The following BMPR1A variants were observed in gnomAD, a reference collection of about 807,000 sequenced individuals.
The protein encoded by BMPR1A is bone morphogenetic protein receptor type-1A.
A neutral mutation model predicts 66.0 loss-of-function variants in BMPR1A; 7 were observed. That is an observed-to-expected ratio of 0.11 (90% confidence interval 0.06 to 0.20). The LOEUF (loss-of-function observed/expected upper bound fraction) is 0.20, where lower values mean the gene tolerates loss of function less well. Among genes scored for constraint, BMPR1A ranks in the 10% least tolerant of loss-of-function variants. BMPR1A has a pLI of 1.00. For synonymous variants in BMPR1A, 200 were observed against 229.7 expected, an observed-to-expected ratio of 0.87 and a Z score of 1.17; for missense variants, 408 against 669.1, an observed-to-expected ratio of 0.61 and a Z score of 4.31.
chr10:86,772,123 T>G (rs927961859), intron 1 of BMPR1A, among the ~76,000 whole-genome samples: 3 of 137,868 alleles, frequency 2.2e-5, no homozygotes, highest in African/African-American at 8.4e-5. Flanking sequence ...TGGTCAGAGA[T>G]AGGTTTTTTT....
intron 3 of BMPR1A, among the ~76,000 whole-genome samples, chr10:86,876,395 G>A (rs1842922222): frequency 6.6e-6 from 1 of 152,184 alleles, no homozygotes; most frequent in South Asian, 2.1e-4. Flanking sequence ...TCAGTTAGTA[G>A]CTGAAAGACA....
Position 86,835,549 on chromosome 10 carries a change from CAAAAAAAAAAAAAAAAAA to C in BMPR1A, c.-267-3294_-267-3277del, listed in dbSNP as rs55804247. On this transcript the variant is annotated intron_variant, in intron 1 of 12. Coordinates refer to ENST00000372037, the MANE Select transcript of BMPR1A (RefSeq NM_004329.3). ...CTGGGTGACAAGCAAGACTCTGTATCAAAAAAAAAAAAAAAAAAAAAAAAAAAAAAAAAAAAAAAGGTG... is the reference window on the plus strand; with the variant it reads ...CTGGGTGACAAGCAAGACTCTGTATCAAAAAAAAAAAAAAAAAAAAAGGTG... Among the ~76,000 whole-genome samples the C allele has an allele frequency of 6.7e-3, 297 of 44,330 alleles. 3 individuals carry two copies. Among genetic ancestry groups the C allele is most frequent in the Middle Eastern group, 0.013 (1 of 78 alleles). 29.1% of individuals were successfully genotyped at this position (44,330 alleles called of 152,430 possible).
chr10:86,813,708 C>T (rs1021156665), intron 1 of BMPR1A, among the ~76,000 whole-genome samples: 10 of 152,140 alleles, frequency 6.6e-5, no homozygotes, highest in South Asian at 2.1e-4. Context: ...GCCATTAGAA[C>T]GCACACCCAT....
intron 1 of BMPR1A, 136 bp from the exon 2 acceptor site, chr10:86,838,729 A>C (rs1327117571): frequency 1.1e-4 from 17 of 152,140 alleles, no homozygotes. Context: ...ATTTCGTAAA[A>C]ACTGTAGAAA....
At chr10:86,757,553 A>AG (rs1847896894) in intron 1 of BMPR1A, among the ~76,000 whole-genome samples, 1 of 152,144 alleles carries the variant, frequency 6.6e-6, no homozygotes, top group African/African-American at 2.4e-5. Context: ...GGAAAAAAAA[A>AG]TGAGCTTGCG....
At chr10:86,776,529 CTGAT>C (rs951020761) in intron 1 of BMPR1A, among the ~76,000 whole-genome samples, 4 of 152,168 alleles carry the variant, frequency 2.6e-5, no homozygotes, top group African/African-American at 9.7e-5. Flanking sequence ...CTGGAGGACA[CTGAT>C]TGTTTTTTGT....
chr10:86,760,398 T>C, intron 1 of BMPR1A, among the ~76,000 whole-genome samples: 1 of 151,698 alleles, frequency 6.6e-6, no homozygotes, highest in East Asian at 1.9e-4. Context: ...GGACCACGCC[T>C]GGCTAATTTT....
intron 3 of BMPR1A, among the ~76,000 whole-genome samples, chr10:86,882,662 GAAAA>G (rs372324110): frequency 0.012 from 1,549 of 129,022 alleles, 24 homozygotes; most frequent in African/African-American, 0.04. Context: ...CTACTTTTAG[GAAAA>G]AAAAAAAAAA....
chr10:86,841,446 C>T (rs1227984611), intron 2 of BMPR1A, among the ~76,000 whole-genome samples: 2 of 152,148 alleles, frequency 1.3e-5, no homozygotes, highest in South Asian at 2.1e-4. Context: ...GTATTGGCAT[C>T]ACCTGGAAAG....
chr10:86,927,095 T>C lies in BMPR1A; in HGVS notation c.*3376T>C. ...AAAGTGACCTATAGTTTTTTAAAATTATGTTTTCCTAGAACGTGCCAAATT... is the reference window on the plus strand; with the variant it reads ...AAAGTGACCTATAGTTTTTTAAAATCATGTTTTCCTAGAACGTGCCAAATT... On this transcript the variant is annotated 3_prime_UTR_variant, in exon 13 of 13. Coordinates refer to ENST00000372037, the MANE Select transcript of BMPR1A (RefSeq NM_004329.3). 1 of 186,100 alleles carries C rather than the reference T, an allele frequency of 5.4e-6. No homozygotes were observed. Among genetic ancestry groups the C allele is most frequent in the East Asian group, 8.7e-5 (1 of 11,522 alleles). 11.5% of individuals were successfully genotyped at this position (186,100 alleles called of 1,614,324 possible).
At chr10:86,875,740 C>T in intron 2 of BMPR1A, 127 bp from the exon 3 acceptor site, 2 of 463,272 alleles carry the variant, frequency 4.3e-6, no homozygotes, top group East Asian at 3.7e-5. Flanking sequence ...AGCAAGGATA[C>T]CTTTAATCTT....
At chr10:86,764,761 A>G (rs554897531) in intron 1 of BMPR1A, among the ~76,000 whole-genome samples, 9 of 152,314 alleles carry the variant, frequency 5.9e-5, no homozygotes, top group African/African-American at 2.2e-4. Context: ...GATAGCCACT[A>G]CCACATGTGG....
At chr10:86,855,755 C>CT in intron 2 of BMPR1A, 1 of 1,019,748 alleles carries the variant, frequency 9.8e-7, no homozygotes, top group Non-Finnish European at 1.4e-6. Flanking sequence ...TTTCATTATG[C>CT]TTTTTTGGTG....
chr10:86,773,364 G>A (rs1012439415), intron 1 of BMPR1A, among the ~76,000 whole-genome samples: 1 of 151,854 alleles, frequency 6.6e-6, no homozygotes, highest in Non-Finnish European at 1.5e-5. Context: ...TGAGGCGGGT[G>A]GATCACCTGA....
chr10:86,826,517 G>A (rs1589734378), intron 1 of BMPR1A, among the ~76,000 whole-genome samples: 2 of 151,580 alleles, frequency 1.3e-5, no homozygotes, highest in Middle Eastern at 3.4e-3. Context: ...TCTACCACCC[G>A]GCAGTGGTCT....
chr10:86,894,459 G>A (rs983575686), intron 5 of BMPR1A, among the ~76,000 whole-genome samples: 7 of 152,170 alleles, frequency 4.6e-5, no homozygotes, highest in Non-Finnish European at 8.8e-5. Flanking sequence ...GGCTATTTGC[G>A]TATTTATCAA....
At chr10:86,915,049 A>G (rs1010448514) in intron 8 of BMPR1A, among the ~76,000 whole-genome samples, 1 of 152,222 alleles carries the variant, frequency 6.6e-6, no homozygotes, top group African/African-American at 2.4e-5. Context: ...CTTCTAACAC[A>G]TGTAGCAGCA....
rs1390607701 is a variant in BMPR1A, at chr10:86,875,929, A to G, written c.-90A>G. ...AAGTGCTTGCGATCTTTTACAAGAA[A>G]ATCTCACTGAATGATAGTCATTTAA... On this transcript the variant is annotated 5_prime_UTR_variant, in exon 3 of 13. Coordinates refer to ENST00000372037, the MANE Select transcript of BMPR1A (RefSeq NM_004329.3). 2.7e-6 allele frequency: 3 copies of G among 1,121,338 alleles called. No homozygotes were observed. The highest frequency in any genetic ancestry group is 4.1e-6 in the Non-Finnish European group (3 of 737,370). The allele number at this position is 1,121,338 out of a possible 1,614,324, so 69.5% of individuals were successfully genotyped here. A position where few individuals can be genotyped will look rare whatever the true frequency, so the allele number is the denominator to read the frequency against.
At chr10:86,798,606 T>G (rs1463669891) in intron 1 of BMPR1A, among the ~76,000 whole-genome samples, 1 of 152,238 alleles carries the variant, frequency 6.6e-6, no homozygotes, top group Non-Finnish European at 1.5e-5. Context: ...ACTGTGTATT[T>G]ATAAGATGTT....
Sources: allele counts gnomAD v4.1 joint callset (sites outside exome capture counted in the v4.1 genomes callset), GRCh38; gene constraint gnomAD v4.1.1; transcripts MANE v1.5; gene names NCBI Gene and HGNC (gene_info 2026-07-23, HGNC 2026-07-21).